Variants in PDS5A observed in about 807,000 individuals in gnomAD.
PDS5A encodes PDS5 cohesin associated factor A.
In PDS5A, 42 loss-of-function variants were observed where a neutral mutation model predicts 167.1. The ratio of observed to expected loss-of-function variants is 0.25; its 90% CI spans 0.20 to 0.33. The LOEUF is 0.33. Ranked by LOEUF, PDS5A falls within the 10% of genes least tolerant of loss-of-function variation. The pLI is 1.00. For missense variants in PDS5A, 1,033 were observed against 1,605.9 expected (o/e 0.64, Z 6.10); for synonymous variants, 553 against 554.6 (o/e 1.00, Z 0.04).
intron 32 of PDS5A, among the ~76,000 whole-genome samples, chr4:39,828,374 A>G (rs1270392973): frequency 6.6e-6 from 1 of 152,234 alleles, no homozygotes; most frequent in Non-Finnish European, 1.5e-5. Context: ...GGAATAAAGT[A>G]TCCTTGAACC....
intron 32 of PDS5A, among the ~76,000 whole-genome samples, chr4:39,826,288 T>C (rs1374347742): frequency 6.6e-6 from 1 of 150,414 alleles, no homozygotes; most frequent in East Asian, 2.0e-4. Context: ...TCCTCTCACC[T>C]ACTCCTCTTT....
chr4:39,902,521 A>C, intron 12 of PDS5A, 61 bp from the exon 13 acceptor site: 1 of 816,270 alleles, frequency 1.2e-6, no homozygotes, highest in Non-Finnish European at 1.9e-6. Context: ...TTTAAGAAGC[A>C]ATTTTTTTTT....
At chr4:39,863,189 A>T (rs575349929) in intron 24 of PDS5A, 116 bp from the exon 25 acceptor site, 1 of 938,966 alleles carries the variant, frequency 1.1e-6, no homozygotes, top group Admixed American at 2.6e-5. Flanking sequence ...AGAATAAATA[A>T]TGTAATAATT....
At chr4:39,922,811 T>C in intron 5 of PDS5A, 63 bp from the exon 6 acceptor site, 1 of 1,354,418 alleles carries the variant, frequency 7.4e-7, no homozygotes, top group Non-Finnish European at 9.5e-7. Context: ...TTCAAGCTTC[T>C]AATAGGAAAT....
intron 17 of PDS5A, among the ~76,000 whole-genome samples, chr4:39,886,368 T>A (rs1721474616): frequency 6.6e-6 from 1 of 152,218 alleles, no homozygotes. Context: ...TGTATTTTGA[T>A]AGATATTGCA....
intron 32 of PDS5A, among the ~76,000 whole-genome samples, chr4:39,827,104 G>A (rs151321599): frequency 0.033 from 5,016 of 151,956 alleles, 269 homozygotes; most frequent in African/African-American, 0.11. Context: ...AGGTTCAAGC[G>A]ATTCTCCTGC....
intron 26 of PDS5A, among the ~76,000 whole-genome samples, chr4:39,861,500 ATACACT>A (rs1719000620): frequency 6.6e-6 from 1 of 152,184 alleles, no homozygotes; most frequent in Non-Finnish European, 1.5e-5. Flanking sequence ...GGGTACAAAA[ATACACT>A]TAGATACAAG....
chr4:39,831,510 A>T (rs1370041380), intron 32 of PDS5A, among the ~76,000 whole-genome samples: 4 of 152,262 alleles, frequency 2.6e-5, no homozygotes, highest in Non-Finnish European at 4.4e-5. Context: ...AGCAAAATTT[A>T]AAATTATGAT....
intron 11 of PDS5A, among the ~76,000 whole-genome samples, chr4:39,907,478 T>A (rs901281185): frequency 2.6e-5 from 4 of 152,224 alleles, no homozygotes; most frequent in African/African-American, 9.6e-5. Context: ...CTAGAAATGT[T>A]AGGCCTAATC....
chr4:39,922,867 C>T (rs1725116489), intron 5 of PDS5A, 119 bp from the exon 6 acceptor site: 1 of 1,200,956 alleles, frequency 8.3e-7, no homozygotes, highest in African/African-American at 1.5e-5. Context: ...AAAGGATTTT[C>T]ACTTGAGGGA....
At chr4:39,899,583 A>G (rs1722701261) in intron 14 of PDS5A, among the ~76,000 whole-genome samples, 1 of 152,114 alleles carries the variant, frequency 6.6e-6, no homozygotes, top group African/African-American at 2.4e-5. Context: ...GCAGTATCTC[A>G]CACCTGTAAT....
Position 39,841,495 on chromosome 4 carries a change from G to T in PDS5A, c.3657+453C>A, listed in dbSNP as rs868071356. On this transcript the variant is annotated intron_variant, in intron 31 of 32. Coordinates refer to ENST00000303538, the MANE Select transcript of PDS5A (RefSeq NM_001100399.2). ...TAGTATAGGAAAAGGATACCACTAC[G>T]GGTAGGTGACCACACAAATTTTTTT... is the stretch of plus-strand genomic sequence containing the variant. 1.4e-4 allele frequency among the ~76,000 whole-genome samples: 22 copies of T among 151,936 alleles called. No homozygotes were observed. The Middle Eastern group carries it at 0.01, about 70-fold the overall frequency.
rs150028753 is a variant in PDS5A at position 39,872,343 on chromosome 4, T to C, written c.2436+643A>G. The stretch of plus-strand genomic sequence containing the variant: ...AGCTGCCGTCACCACACCCGGCTAA[T>C]CCACTTACATTTCTAACAATGTTTG... On this transcript the variant is annotated intron_variant, in intron 21 of 32. Transcript: ENST00000303538. Among the ~76,000 whole-genome samples, 1,089 of 151,818 alleles carry C rather than the reference T, an allele frequency of 7.2e-3. 13 individuals are homozygous for C. The highest frequency in any genetic ancestry group is 0.024 in the African/African-American group (1,005 of 41,420).
intron 32 of PDS5A, 141 bp downstream of exon 32, chr4:39,837,715 C>T: frequency 1.7e-6 from 1 of 578,478 alleles, no homozygotes; most frequent in Non-Finnish European, 3.0e-6. Flanking sequence ...ATAACAGATG[C>T]TATTATAAAC....
intron 32 of PDS5A, among the ~76,000 whole-genome samples, chr4:39,827,034 C>G (rs1238570008): frequency 2.0e-5 from 3 of 151,328 alleles, no homozygotes; most frequent in Non-Finnish European, 4.4e-5. Flanking sequence ...CAGAGTCTTG[C>G]TCTGTTGCCC....
chr4:39,840,815 C>A (rs1578583501), intron 31 of PDS5A, among the ~76,000 whole-genome samples: 1 of 152,190 alleles, frequency 6.6e-6, no homozygotes, highest in African/African-American at 2.4e-5. Flanking sequence ...AATGCAATGG[C>A]ATGATGTTGG....
At chr4:39,942,818 A>T (rs188185469) in intron 2 of PDS5A, among the ~76,000 whole-genome samples, 19 of 152,248 alleles carry the variant, frequency 1.2e-4, no homozygotes, top group African/African-American at 4.3e-4. Context: ...TGCTGTGGTC[A>T]TTAGCATAAA....
Position 39,977,587 on chromosome 4 carries a change from C to T in PDS5A, c.-171G>A. The T allele has an allele frequency of 6.2e-6, 1 of 162,438 alleles. No individual in the cohort carries two copies. Among genetic ancestry groups the T allele is most frequent in the Non-Finnish European group, 1.3e-5 (1 of 76,990 alleles). The allele number at this position is 162,438 out of a possible 1,614,324, so 10.1% of individuals were successfully genotyped here. A position where few individuals can be genotyped will look rare whatever the true frequency, so the allele number is the denominator to read the frequency against. On this transcript the variant is annotated 5_prime_UTR_variant, in exon 1 of 33. Coordinates refer to ENST00000303538, the MANE Select transcript of PDS5A (RefSeq NM_001100399.2). This position sits in a 1 kb window ranked among gnomAD's most constrained non-coding sequence, Gnocchi z 4.2. The stretch of plus-strand genomic sequence containing the variant: ...GCCGCCGCCGCCGCCGCCGCCCGCC[C>T]GCCCGGGAGCGGCGCTGGGGCTGGC...
chr4:39,881,861 G>C (rs182780748), intron 17 of PDS5A, among the ~76,000 whole-genome samples: 1 of 152,136 alleles, frequency 6.6e-6, no homozygotes, highest in African/African-American at 2.4e-5. Context: ...TGCCAAGGGC[G>C]GGGCCAGGTA....
Sources: gnomAD v4.1 joint callset for allele counts (sites outside exome capture counted in the v4.1 genomes callset) on GRCh38, gnomAD v4.1.1 for gene constraint, Gnocchi (gnomAD v3.1) non-coding constraint, MANE v1.5 for transcripts, NCBI Gene and HGNC (gene_info 2026-07-23, HGNC 2026-07-21) for gene names.